DNM3: variants seen among roughly 807,000 people sequenced by gnomAD.
The protein encoded by DNM3 is dynamin-3.
A neutral mutation model predicts 101.6 loss-of-function variants in DNM3; 47 were observed. The observed-to-expected ratio is 0.46, with a 90% confidence interval of 0.37 to 0.59. The LOEUF is 0.59. Ranked by LOEUF, DNM3 falls within the 20% of genes least tolerant of loss-of-function variation. DNM3 has a pLI of 0.00. For missense variants in DNM3, 849 were observed against 1,085.7 expected, an observed-to-expected ratio of 0.78 and a Z score of 3.06; for synonymous variants, 385 against 387.9, an observed-to-expected ratio of 0.99 and a Z score of 0.09.
intron 14 of DNM3, among the ~76,000 whole-genome samples, chr1:172,198,644 G>A (rs1442055602): frequency 1.3e-5 from 2 of 151,982 alleles, no homozygotes; most frequent in Non-Finnish European, 2.9e-5. Context: ...AGTATTAGAG[G>A]ATGTATGTGT....
intron 20 of DNM3, 104 bp downstream of exon 20, chr1:172,388,913 G>A (rs573026972): frequency 7.0e-5 from 70 of 1,000,296 alleles, no homozygotes; most frequent in Non-Finnish European, 8.1e-5. Flanking sequence ...AGATCTTATC[G>A]TACGTGTTTG....
Position 172,033,328 on chromosome 1 carries a change from A to G in DNM3, c.849+63A>G, listed in dbSNP as rs567229825. On this transcript the variant is annotated intron_variant, in intron 6 of 20. Transcript: ENST00000627582. ...AATATGTAAGTAGGTGCTGGAATTC[A>G]TATTTATTATTTTTAAGTTTATTTT... 57 of 1,450,500 alleles carry G rather than the reference A, an allele frequency of 3.9e-5. No homozygotes were observed. The Middle Eastern group carries it at 5.6e-4, about 14-fold the overall frequency. 89.9% of individuals were successfully genotyped at this position (1,450,500 alleles called of 1,614,324 possible).
At chr1:171,861,941 C>A (rs1174607241) in intron 1 of DNM3, among the ~76,000 whole-genome samples, 1 of 152,032 alleles carries the variant, frequency 6.6e-6, no homozygotes, top group Admixed American at 6.6e-5. Context: ...ACTTGATTTT[C>A]TAAAGAATGT....
chr1:171,986,899 G>T (rs1002862613), intron 2 of DNM3, among the ~76,000 whole-genome samples: 1 of 151,982 alleles, frequency 6.6e-6, no homozygotes, highest in Non-Finnish European at 1.5e-5. Context: ...TTTAAATTGT[G>T]GTGTTTTTTA....
chr1:171,947,393 A>C (rs2042236884), intron 2 of DNM3, among the ~76,000 whole-genome samples: 1 of 152,178 alleles, frequency 6.6e-6, no homozygotes, highest in Admixed American at 6.5e-5. Context: ...GTTGGAGAAA[A>C]GGATGTGCAT....
At position 172,040,488 on chromosome 1, in the gene DNM3, T is replaced by TG. The variant is rs1022760911; in HGVS notation, c.993-1521_993-1520insG. On this transcript the variant is annotated intron_variant, in intron 7 of 20. Transcript: ENST00000627582. The stretch of plus-strand genomic sequence containing the variant: ...AAATGAAAATAGTTGGTTTTTTTTT[T>TG]TCGTGTTTCTTTCTTTCTTTCTTTC... Among the ~76,000 whole-genome samples, 93 of 152,260 alleles carry TG rather than the reference T, an allele frequency of 6.1e-4. 1 individual carries two copies. Among genetic ancestry groups the TG allele is most frequent in the Non-Finnish European group, 2.4e-4 (16 of 68,026 alleles).
chr1:172,106,592 T>A (rs891912332), intron 13 of DNM3, among the ~76,000 whole-genome samples: 2 of 151,944 alleles, frequency 1.3e-5, no homozygotes, highest in Admixed American at 6.6e-5. Flanking sequence ...AACTTAAAAG[T>A]TTTTTTAAAA....
chr1:171,878,802 A>G (rs1009442787), intron 1 of DNM3, among the ~76,000 whole-genome samples: 2 of 152,112 alleles, frequency 1.3e-5, no homozygotes, highest in African/African-American at 4.8e-5. Flanking sequence ...AACTACTTCA[A>G]TGAATGTATT....
intron 1 of DNM3, among the ~76,000 whole-genome samples, chr1:171,873,947 T>C (rs2035533967): frequency 1.3e-5 from 2 of 152,246 alleles, no homozygotes; most frequent in South Asian, 2.1e-4. Flanking sequence ...GTGAGTGGTT[T>C]CTATTTTTCT....
chr1:172,130,845 AAT>A (rs752507965), intron 13 of DNM3, among the ~76,000 whole-genome samples: 8 of 152,132 alleles, frequency 5.3e-5, no homozygotes, highest in Non-Finnish European at 1.2e-4. Flanking sequence ...CAGTCAACTA[AAT>A]ATGTTTTAAT....
At chr1:172,365,186 T>C (rs1264352993) in intron 17 of DNM3, among the ~76,000 whole-genome samples, 1 of 151,932 alleles carries the variant, frequency 6.6e-6, no homozygotes, top group Non-Finnish European at 1.5e-5. Flanking sequence ...TTTTAGATAA[T>C]AAAAATAGTA....
intron 14 of DNM3, among the ~76,000 whole-genome samples, chr1:172,148,991 G>T (rs1383546046): frequency 6.6e-6 from 1 of 152,112 alleles, no homozygotes; most frequent in Non-Finnish European, 1.5e-5. Context: ...AAATATTTCA[G>T]AGGAGTAAGA....
chr1:172,412,843 G>A (rs1420902361), downstream of DNM3: 2 of 742,996 alleles, frequency 2.7e-6, no homozygotes, highest in Non-Finnish European at 1.6e-6. Flanking sequence ...AAGAATGATA[G>A]CATTTTCCAT....
At chr1:172,292,621 A>ACACG (rs1553224113) in intron 15 of DNM3, among the ~76,000 whole-genome samples, 1 of 149,876 alleles carries the variant, frequency 6.7e-6, no homozygotes, top group Admixed American at 6.7e-5. Context: ...ACACACACAC[A>ACACG]CACGCGCGTG....
At chr1:172,364,634 G>A (rs1472322401) in intron 17 of DNM3, among the ~76,000 whole-genome samples, 3 of 151,874 alleles carry the variant, frequency 2.0e-5, no homozygotes, top group South Asian at 2.1e-4. Context: ...CAGTGACATG[G>A]TTTGGATCTG....
intron 14 of DNM3, among the ~76,000 whole-genome samples, chr1:172,173,710 T>C (rs1398240048): frequency 6.6e-6 from 1 of 151,752 alleles, no homozygotes; most frequent in African/African-American, 2.4e-5. Flanking sequence ...ATGGTTAGAT[T>C]TACTTCTCAT....
intron 15 of DNM3, among the ~76,000 whole-genome samples, chr1:172,305,105 G>C (rs2064724027): frequency 6.6e-6 from 1 of 152,036 alleles, no homozygotes; most frequent in African/African-American, 2.4e-5. Context: ...CTCATTTTTT[G>C]AAAAGATCAA....
chr1:172,041,938 T>C, intron 7 of DNM3, 71 bp from the exon 8 acceptor site: 3 of 1,478,686 alleles, frequency 2.0e-6, no homozygotes, highest in South Asian at 3.0e-5. Flanking sequence ...GGAATAATCA[T>C]AGGAAAAGAA....
chr1:172,383,696 A>G (rs923767729), intron 18 of DNM3, among the ~76,000 whole-genome samples: 9 of 152,202 alleles, frequency 5.9e-5, no homozygotes, highest in African/African-American at 2.2e-4. Context: ...AAGGTTTAAG[A>G]TCCAAACATA....
Sources: allele counts gnomAD v4.1 joint callset (sites outside exome capture counted in the v4.1 genomes callset), GRCh38; gene constraint gnomAD v4.1.1; transcripts MANE v1.5; gene names NCBI Gene and HGNC (gene_info 2026-07-23, HGNC 2026-07-21).